Variants in FLT4 observed in about 807,000 individuals in gnomAD.
The protein encoded by FLT4 is fms related receptor tyrosine kinase 4.
Under a neutral mutation model 163.2 loss-of-function variants are expected in FLT4, and 30 were observed. That is an observed-to-expected ratio of 0.18 (90% CI 0.14 to 0.25). FLT4 has a LOEUF of 0.25. Ranked by LOEUF, FLT4 falls within the 10% of genes least tolerant of loss-of-function variation. The probability of loss-of-function intolerance (pLI) is 1.00; values close to 1 mark genes in which losing one functional copy is unlikely to be tolerated. For missense variants in FLT4, 1,510 were observed against 1,863.8 expected (o/e 0.81, Z 3.50); for synonymous variants, 884 against 789.5 (o/e 1.12, Z -2.01).
chr5:180,629,565 A>C, intron 6 of FLT4, 131 bp downstream of exon 6: 1 of 1,446,676 alleles, frequency 6.9e-7, no homozygotes, highest in Non-Finnish European at 9.5e-7. Flanking sequence ...TGGGTGGAAC[A>C]CTTGCCACTC....
At chr5:180,616,514 G>A (rs754851482) in intron 22 of FLT4, 25 bp from the exon 23 acceptor site, 67 of 1,612,978 alleles carry the variant, frequency 4.2e-5, no homozygotes, top group Non-Finnish European at 5.4e-5. Flanking sequence ...GGCGGCAGGG[G>A]GGCTGTCAGT....
At chr5:180,638,257 C>G (rs1451973211) in intron 1 of FLT4, among the ~76,000 whole-genome samples, 9 of 152,218 alleles carry the variant, frequency 5.9e-5, no homozygotes, top group African/African-American at 2.2e-4. Context: ...AGACAACCCG[C>G]AGTCTACGTT....
chr5:180,633,393 C>A (rs1188130093), intron 1 of FLT4, among the ~76,000 whole-genome samples: 4 of 152,218 alleles, frequency 2.6e-5, no homozygotes, highest in Non-Finnish European at 4.4e-5. Context: ...GCTGTGACTA[C>A]CACCGAGTCT....
chr5:180,621,320 G>A, intron 13 of FLT4, 68 bp from the exon 14 acceptor site: 1 of 1,547,756 alleles, frequency 6.5e-7, no homozygotes, highest in Non-Finnish European at 8.8e-7. Context: ...TTTGGGCTGG[G>A]AGCAGAGGTA....
At chr5:180,640,404 G>A (rs1260960387) in intron 1 of FLT4, among the ~76,000 whole-genome samples, 2 of 152,208 alleles carry the variant, frequency 1.3e-5, no homozygotes, top group East Asian at 3.9e-4. Flanking sequence ...AAAGGCCGGG[G>A]GCAGAGGCTC....
chr5:180,633,465 C>T (rs1440424825), intron 1 of FLT4, among the ~76,000 whole-genome samples: 1 of 42,890 alleles, frequency 2.3e-5, no homozygotes, highest in Non-Finnish European at 7.0e-5. Context: ...TCTGCAGCCC[C>T]TTCCCCTTGG....
chr5:180,624,074 G>T lies in FLT4; in HGVS notation c.1422-13C>A. 1 of 1,610,570 alleles carries T rather than the reference G, an allele frequency of 6.2e-7. No homozygotes were observed. The highest frequency in any genetic ancestry group is 8.5e-7 in the Non-Finnish European group (1 of 1,179,922). On this transcript the variant is annotated splice_polypyrimidine_tract_variant and intron_variant, in intron 10 of 29. Coordinates refer to ENST00000261937, the MANE Select transcript of FLT4 (RefSeq NM_182925.5). ...CTGCCGCCGCCGGCTGCCAGGACCAGAAGAGGCAAGGGCAGGTCAGGGATA... is the reference window on the plus strand; with the variant it reads ...CTGCCGCCGCCGGCTGCCAGGACCATAAGAGGCAAGGGCAGGTCAGGGATA...
At position 180,601,982 on chromosome 5, in the gene FLT4, G is replaced by T; in HGVS notation, c.*1210C>A. 1 of 233,668 alleles carries T rather than the reference G, an allele frequency of 4.3e-6. No homozygotes were observed. The highest frequency in any genetic ancestry group is 1.8e-4 in the South Asian group (1 of 5,528). The allele number at this position is 233,668 out of a possible 1,614,324, so 14.5% of individuals were successfully genotyped here. ...TGTGGCTCTTTCTCCTGGTGAGATG[G>T]TTGGGCACTGTGAGCTGGGATAGGG... On this transcript the variant is annotated 3_prime_UTR_variant, in exon 30 of 30. Coordinates refer to ENST00000261937, the MANE Select transcript of FLT4 (RefSeq NM_182925.5).
intron 19 of FLT4, 51 bp from the exon 20 acceptor site, chr5:180,619,160 C>T (rs1762913881): frequency 2.3e-6 from 3 of 1,309,522 alleles, no homozygotes; most frequent in South Asian, 1.9e-5. Context: ...GGGCGCGCTG[C>T]GGGCGCGCTC....
chr5:180,612,300 C>A, intron 26 of FLT4: 1 of 599,970 alleles, frequency 1.7e-6, no homozygotes. Flanking sequence ...CTGGAGCAGG[C>A]AGTGGAGCTG....
chr5:180,630,057 G>T lies in FLT4; in HGVS notation c.562C>A (p.Arg188=), dbSNP rs372854098. The part of the protein sequence containing the change: ...PDGQEVVWDD[R]RGMLVSTPLL... ...GGCGTGGACACGAGCATGCCCCGCCGGTCATCCCACACCACCTCCTGCCCG... is the reference window on the plus strand; with the variant it reads ...GGCGTGGACACGAGCATGCCCCGCCTGTCATCCCACACCACCTCCTGCCCG... The change falls in exon 5 of 30, where the codon CGG becomes AGG. Residue 188 remains arginine, a synonymous_variant. Transcript: ENST00000261937. This position sits in a 1 kb window ranked among gnomAD's most constrained non-coding sequence, Gnocchi z 6.3. 1.9e-6 allele frequency: 3 copies of T among 1,612,634 alleles called. No individual in the cohort carries two copies. Among genetic ancestry groups the T allele is most frequent in the East Asian group, 2.2e-5 (1 of 44,882 alleles).
intron 13 of FLT4, 90 bp from the exon 14 acceptor site, chr5:180,621,342 C>T: frequency 6.7e-7 from 1 of 1,491,370 alleles, no homozygotes. Context: ...AAAAGGATCC[C>T]TGGAAGCTGG....
Position 180,630,936 on chromosome 5 carries a change from T to C in FLT4, c.156-137A>G. ...AACTGCCCAGGGTTTGGGCGCACAC[T>C]ACAGACCGTGCCCAGGGCAGGGCAC... is the stretch of plus-strand genomic sequence containing the variant. On this transcript the variant is annotated intron_variant, in intron 2 of 29. Coordinates refer to ENST00000261937, the MANE Select transcript of FLT4 (RefSeq NM_182925.5). This position sits in a 1 kb window ranked among gnomAD's most constrained non-coding sequence, Gnocchi z 6.3. The C allele has an allele frequency of 9.3e-7, 1 of 1,076,544 alleles. No homozygotes were observed. The highest frequency in any genetic ancestry group is 1.3e-6 in the Non-Finnish European group (1 of 769,532). The allele number at this position is 1,076,544 out of a possible 1,614,324, so 66.7% of individuals were successfully genotyped here.
At chr5:180,608,841 C>G (rs1000285762) in intron 29 of FLT4, 127 bp downstream of exon 29, 1 of 837,434 alleles carries the variant, frequency 1.2e-6, no homozygotes, top group Admixed American at 1.8e-5. Flanking sequence ...CTTGAACGCG[C>G]GAAAAGGCCA....
In FLT4 at chr5:180,602,781, G is replaced by C. The variant is rs1044176037; in HGVS notation, c.*411C>G. On this transcript the variant is annotated 3_prime_UTR_variant, in exon 30 of 30. Transcript: ENST00000261937. ...GGGCGTTTGGGAGACCTCTGCTCTCGTATGCCTTAACCTCCAACACTGTGT... is the reference window on the plus strand; with the variant it reads ...GGGCGTTTGGGAGACCTCTGCTCTCCTATGCCTTAACCTCCAACACTGTGT... The C allele has an allele frequency of 1.0e-5, 5 of 493,266 alleles. No individual in the cohort carries two copies. Among genetic ancestry groups the C allele is most frequent in the African/African-American group, 1.9e-5 (1 of 52,240 alleles). 30.6% of individuals were successfully genotyped at this position (493,266 alleles called of 1,614,324 possible).
chr5:180,621,511 G>T (rs777724867), intron 13 of FLT4, 31 bp downstream of exon 13: 2 of 1,607,796 alleles, frequency 1.2e-6, no homozygotes. Flanking sequence ...AGAAGAGAGC[G>T]CGTCCCCGCC....
chr5:180,617,124 AC>A (rs1762753366), intron 21 of FLT4, 130 bp from the exon 22 acceptor site: 7 of 714,022 alleles, frequency 9.8e-6, no homozygotes, highest in African/African-American at 1.8e-5. Context: ...CCCACATCCT[AC>A]TCCAGAGCAC....
At chr5:180,622,626 G>C in intron 12 of FLT4, 105 bp downstream of exon 12, 1 of 741,806 alleles carries the variant, frequency 1.3e-6, no homozygotes, top group Non-Finnish European at 2.4e-6. Context: ...GTAGGCCTTG[G>C]ATCTCTCTCC....
intron 12 of FLT4, 98 bp downstream of exon 12, chr5:180,622,633 C>T (rs1191309191): frequency 1.3e-6 from 1 of 760,980 alleles, no homozygotes; most frequent in Non-Finnish European, 2.4e-6. Context: ...TTGGATCTCT[C>T]TCCTGGGTGT....
Sources: allele counts gnomAD v4.1 joint callset (sites outside exome capture counted in the v4.1 genomes callset), GRCh38; gene constraint gnomAD v4.1.1; non-coding constraint Gnocchi (gnomAD v3.1); transcripts MANE v1.5; gene names NCBI Gene and HGNC (gene_info 2026-07-23, HGNC 2026-07-21).